HDAC8: variants seen among roughly 807,000 people sequenced by gnomAD.
HDAC8 encodes the protein histone deacetylase-like 1.
Under a neutral mutation model 32.2 loss-of-function variants are expected in HDAC8, and 1 was observed. That is an observed-to-expected ratio of 0.03 (90% confidence interval 0.01 to 0.15). The LOEUF is 0.15. Ranked by LOEUF, HDAC8 falls within the 10% of genes least tolerant of loss-of-function variation. The probability of loss-of-function intolerance (pLI) is 1.00; values close to 1 mark genes in which losing one functional copy is unlikely to be tolerated. For synonymous variants in HDAC8, 108 were observed against 113.9 expected, an observed-to-expected ratio of 0.95 and a Z score of 0.33; for missense variants, 117 against 300.0, an observed-to-expected ratio of 0.39 and a Z score of 4.51.
At chrX:72,339,614 G>A (rs888250518) in intron 10 of HDAC8, among the ~76,000 whole-genome samples, 1 of 112,163 alleles carries the variant, frequency 8.9e-6, no homozygotes, top group African/African-American at 3.2e-5. Flanking sequence ...CAATGCAGCT[G>A]GAGAGGTGGC....
chrX:72,471,187 T>C (rs2048165837), intron 7 of HDAC8, among the ~76,000 whole-genome samples: 1 of 112,894 alleles, frequency 8.9e-6, no homozygotes, highest in South Asian at 3.7e-4. Flanking sequence ...CTTTTTATGG[T>C]TGAATAATAT....
At chrX:72,540,439 T>C (rs2050665466) in intron 4 of HDAC8, among the ~76,000 whole-genome samples, 2 of 111,689 alleles carry the variant, frequency 1.8e-5, no homozygotes, top group South Asian at 7.4e-4. Flanking sequence ...CATAGATCAA[T>C]AAATAGAAAC....
intron 9 of HDAC8, among the ~76,000 whole-genome samples, chrX:72,369,660 G>A (rs1274296868): frequency 2.7e-5 from 3 of 112,231 alleles, no homozygotes; most frequent in African/African-American, 3.2e-5. Flanking sequence ...CTCAGATGCA[G>A]GCTGGCCAAC....
intron 7 of HDAC8, among the ~76,000 whole-genome samples, chrX:72,480,213 T>G (rs1044166568): frequency 8.0e-5 from 9 of 112,563 alleles, no homozygotes; most frequent in African/African-American, 2.9e-4. Flanking sequence ...GTGCAAGGCT[T>G]ATAGAATGAA....
chrX:72,536,048 GT>G lies in HDAC8; in HGVS notation c.437+31840del, dbSNP rs782388618. Among the ~76,000 whole-genome samples, 3 of 111,797 alleles carry G rather than the reference GT, an allele frequency of 2.7e-5. No individual in the cohort carries two copies. In the South Asian group the frequency reaches 1.1e-3, roughly 43 times the overall value. On this transcript the variant is annotated intron_variant, in intron 4 of 10. Coordinates refer to ENST00000373573, the MANE Select transcript of HDAC8 (RefSeq NM_018486.3). ...TGGTTAACAGATTATATAATCAGAT[GT>G]TTCCATGCCTAATGTCCAAACCTTG...
At chrX:72,447,807 C>G (rs1412262639) in intron 9 of HDAC8, among the ~76,000 whole-genome samples, 2 of 111,493 alleles carry the variant, frequency 1.8e-5, no homozygotes, top group Non-Finnish European at 3.8e-5. Context: ...GACAGAGAGC[C>G]AAATCATGAG....
intron 4 of HDAC8, among the ~76,000 whole-genome samples, chrX:72,510,734 C>A (rs2049554866): frequency 1.8e-5 from 2 of 111,632 alleles, no homozygotes. Context: ...GAACTAAATT[C>A]ACTGCTTGTT....
At chrX:72,549,888 T>G (rs2051005667) in intron 4 of HDAC8, among the ~76,000 whole-genome samples, 2 of 112,025 alleles carry the variant, frequency 1.8e-5, no homozygotes, top group African/African-American at 6.5e-5. Context: ...GATTTCTCTA[T>G]GGACAGTCAC....
intron 9 of HDAC8, among the ~76,000 whole-genome samples, chrX:72,407,501 A>G (rs2046076409): frequency 8.9e-6 from 1 of 111,830 alleles, no homozygotes; most frequent in Admixed American, 9.5e-5. Flanking sequence ...CTAATCTTTC[A>G]TGGCCATGTG....
At chrX:72,340,958 A>G (rs782581984) in intron 10 of HDAC8, among the ~76,000 whole-genome samples, 1 of 111,870 alleles carries the variant, frequency 8.9e-6, no homozygotes, top group South Asian at 3.9e-4. Flanking sequence ...CACATTAGCT[A>G]TCACTGTGGA....
At chrX:72,464,053 A>G (rs1451226873) in intron 8 of HDAC8, among the ~76,000 whole-genome samples, 6 of 112,058 alleles carry the variant, frequency 5.4e-5, no homozygotes, top group Non-Finnish European at 1.1e-4. Context: ...CCAAGAGACT[A>G]TAGATCTCTC....
At chrX:72,570,172 A>G (rs1387256045) in intron 2 of HDAC8, among the ~76,000 whole-genome samples, 1 of 112,011 alleles carries the variant, frequency 8.9e-6, no homozygotes, top group Non-Finnish European at 1.9e-5. Context: ...AGACAAATCT[A>G]TACCACCAGA....
At chrX:72,468,040 A>C in intron 7 of HDAC8, 1 of 1,171,409 alleles carries the variant, frequency 8.5e-7, no homozygotes, top group Non-Finnish European at 1.1e-6. Flanking sequence ...GGTTGATAAG[A>C]AGCTTTCAGA....
At chrX:72,475,760 A>C (rs1361248094) in intron 7 of HDAC8, among the ~76,000 whole-genome samples, 1 of 107,411 alleles carries the variant, frequency 9.3e-6, no homozygotes, top group Non-Finnish European at 1.9e-5. Flanking sequence ...AACTTCTAAA[A>C]ACATGAAAGA....
At chrX:72,442,371 G>T (rs1968685060) in intron 9 of HDAC8, among the ~76,000 whole-genome samples, 1 of 111,513 alleles carries the variant, frequency 9.0e-6, no homozygotes, top group African/African-American at 3.3e-5. Flanking sequence ...AGAGAGTAGG[G>T]GCCAACATTC....
intron 4 of HDAC8, among the ~76,000 whole-genome samples, chrX:72,530,908 G>C (rs1178647216): frequency 2.7e-5 from 3 of 112,168 alleles, no homozygotes; most frequent in Non-Finnish European, 5.6e-5. Context: ...TTAAAACAGA[G>C]GCTAGAGCAA....
At chrX:72,338,128 T>C (rs184530028) in intron 10 of HDAC8, among the ~76,000 whole-genome samples, 1 of 111,515 alleles carries the variant, frequency 9.0e-6, no homozygotes, top group East Asian at 2.8e-4. Flanking sequence ...AGAAAACATC[T>C]TGTGTGTTTG....
intron 10 of HDAC8, among the ~76,000 whole-genome samples, chrX:72,346,017 T>TAAC (rs1476233151): frequency 8.9e-6 from 1 of 111,911 alleles, no homozygotes; most frequent in Admixed American, 9.5e-5. Flanking sequence ...GACATTTTTG[T>TAAC]AACTTATTTT....
chrX:72,348,280 A>G (rs2044084494), intron 10 of HDAC8, among the ~76,000 whole-genome samples: 1 of 111,910 alleles, frequency 8.9e-6, no homozygotes, highest in Non-Finnish European at 1.9e-5. Context: ...TTTGTTTTTC[A>G]TGGGGTGAGG....
Sources: gnomAD v4.1 joint callset for allele counts (sites outside exome capture counted in the v4.1 genomes callset) on GRCh38, gnomAD v4.1.1 for gene constraint, MANE v1.5 for transcripts, NCBI Gene and HGNC (gene_info 2026-07-23, HGNC 2026-07-21) for gene names.